Variants in NPNT observed in about 807,000 individuals in gnomAD.
The protein encoded by NPNT is nephronectin.
Under a neutral mutation model 68.6 loss-of-function variants are expected in NPNT, and 45 were observed. That is an observed-to-expected ratio of 0.66 (90% CI 0.52 to 0.84). The LOEUF is 0.84. Among genes scored for constraint, NPNT ranks in the 40% least tolerant of loss-of-function variants. The pLI is 0.00. For synonymous variants in NPNT, 233 were observed against 253.3 expected (o/e 0.92, Z 0.76); for missense variants, 672 against 714.8 (o/e 0.94, Z 0.68).
intron 7 of NPNT, among the ~76,000 whole-genome samples, chr4:105,941,151 C>A (rs116129130): frequency 0.098 from 14,870 of 151,898 alleles, 830 homozygotes; most frequent in Non-Finnish European, 0.13. Flanking sequence ...GCAGCCTGGG[C>A]AACATAATGA....
rs560287290 is a variant in NPNT, at chr4:105,933,260, A to G, written c.266-3749A>G. Reference sequence around the variant, plus strand: ...ACAGGGAGACAGTAATTCCTGCCCTATTTGCCTGTGGGGTTGGCGTGAGAA... The same window carrying G: ...ACAGGGAGACAGTAATTCCTGCCCTGTTTGCCTGTGGGGTTGGCGTGAGAA... On this transcript the variant is annotated intron_variant, in intron 3 of 11. Coordinates refer to ENST00000379987, the MANE Select transcript of NPNT (RefSeq NM_001033047.3). Among the ~76,000 whole-genome samples, 9 of 152,272 alleles carry G rather than the reference A, an allele frequency of 5.9e-5. No individual in the cohort carries two copies. In the East Asian group the frequency reaches 1.5e-3, roughly 26 times the overall value.
At position 105,949,699 on chromosome 4, in the gene NPNT, T is replaced by C. The variant is rs535405227; in HGVS notation, c.1159+6997T>C. Among the ~76,000 whole-genome samples, 258 of 152,292 alleles carry C rather than the reference T, an allele frequency of 1.7e-3. 1 individual carries two copies. The highest frequency in any genetic ancestry group is 6.0e-3 in the African/African-American group (249 of 41,554). ...TGCTTTCTGTTCTAGCAATATATAA[T>C]GAAATCTTATATAACTATTAAACAT... On this transcript the variant is annotated intron_variant, in intron 8 of 11. Coordinates refer to ENST00000379987, the MANE Select transcript of NPNT (RefSeq NM_001033047.3).
chr4:105,958,465 T>C lies in NPNT; in HGVS notation c.1160-6T>C. On this transcript the variant is annotated splice_region_variant and splice_polypyrimidine_tract_variant and intron_variant, in intron 8 of 11. Transcript: ENST00000379987. ...CACACAAAAACTCAAAACCTTTCTCTTGCAGTTCCACGGCAACCTTCAAAT... is the reference window on the plus strand; with the variant it reads ...CACACAAAAACTCAAAACCTTTCTCCTGCAGTTCCACGGCAACCTTCAAAT... The C allele has an allele frequency of 1.9e-6, 3 of 1,594,086 alleles. No homozygotes were observed. The highest frequency in any genetic ancestry group is 2.6e-6 in the Non-Finnish European group (3 of 1,162,726).
rs1030324655 is a variant in NPNT at position 105,971,384 on chromosome 4, A to G, written c.*2394A>G. 1 of 250,446 alleles carries G rather than the reference A, an allele frequency of 4.0e-6. No individual in the cohort carries two copies. Among genetic ancestry groups the G allele is most frequent in the African/African-American group, 2.2e-5 (1 of 45,598 alleles). The allele number at this position is 250,446 out of a possible 1,614,324, so 15.5% of individuals were successfully genotyped here. ...CAGGGCTGGAGGGGGAAAATAAATCATTAAGCCTTTGAGTAACGGCAGAAT... is the reference window on the plus strand; with the variant it reads ...CAGGGCTGGAGGGGGAAAATAAATCGTTAAGCCTTTGAGTAACGGCAGAAT... On this transcript the variant is annotated 3_prime_UTR_variant, in exon 12 of 12. Coordinates refer to ENST00000379987, the MANE Select transcript of NPNT (RefSeq NM_001033047.3).
chr4:105,923,035 C>A (rs1029852719), intron 2 of NPNT, among the ~76,000 whole-genome samples: 1 of 152,152 alleles, frequency 6.6e-6, no homozygotes, highest in East Asian at 1.9e-4. Context: ...CCAGCAGGCA[C>A]GTTGTTTACT....
At position 105,937,065 on chromosome 4, in the gene NPNT, T is replaced by TA; in HGVS notation, c.323dup (p.Tyr108Ter). ...RPCKHRCMNT[Y>*]GSYKCYCLNG... ...CTGTAAGCACAGGTGCATGAACACT[T>TA]ACGGCAGCTACAAGTGCTACTGTCT... Residue 108 changes from tyrosine (Y) to a stop codon, truncating the protein, a stop_gained and frameshift_variant, in exon 4 of 12, where the codon TAC becomes TAAC. Coordinates refer to ENST00000379987, the MANE Select transcript of NPNT (RefSeq NM_001033047.3). LOFTEE classifies it high-confidence loss of function. 16 of 1,613,698 alleles carry TA rather than the reference T, an allele frequency of 9.9e-6. No individual in the cohort carries two copies. Among genetic ancestry groups the TA allele is most frequent in the South Asian group, 3.3e-5 (3 of 91,062 alleles).
At chr4:105,958,767 T>C (rs979986890) in intron 9 of NPNT, 2 of 527,640 alleles carry the variant, frequency 3.8e-6, no homozygotes, top group African/African-American at 3.8e-5. Flanking sequence ...GTACTTAAAC[T>C]GTAAAAAGGA....
chr4:105,923,254 T>C, intron 2 of NPNT, among the ~76,000 whole-genome samples: 1 of 152,196 alleles, frequency 6.6e-6, no homozygotes. Flanking sequence ...GGGAATTATT[T>C]TTCTCTAGTT....
intron 7 of NPNT, among the ~76,000 whole-genome samples, chr4:105,940,859 C>A (rs1179817146): frequency 6.6e-6 from 1 of 152,134 alleles, no homozygotes; most frequent in Non-Finnish European, 1.5e-5. Context: ...ATTTTAATCT[C>A]TTCACTGAAA....
At chr4:105,916,222 T>G in intron 2 of NPNT, among the ~76,000 whole-genome samples, 1 of 123,866 alleles carries the variant, frequency 8.1e-6, no homozygotes, top group East Asian at 2.0e-4. Flanking sequence ...GAATTCGTAC[T>G]TTTTTTTTTT....
chr4:105,896,058 C>T (rs536152378), intron 1 of NPNT: 1 of 344,592 alleles, frequency 2.9e-6, no homozygotes, highest in South Asian at 4.3e-5. Context: ...GCCGAGGTGA[C>T]GCGCGAAACA....
intron 8 of NPNT, among the ~76,000 whole-genome samples, chr4:105,958,005 A>G (rs1302624344): frequency 6.6e-6 from 1 of 152,138 alleles, no homozygotes; most frequent in East Asian, 1.9e-4. Context: ...GAGTGCAACA[A>G]TGTGCGGAGT....
chr4:105,898,837 A>T (rs959255583), intron 2 of NPNT, among the ~76,000 whole-genome samples: 9 of 152,202 alleles, frequency 5.9e-5, no homozygotes, highest in African/African-American at 2.2e-4. Flanking sequence ...CTGCAAAAAA[A>T]TAGTCTTCAA....
At chr4:105,920,407 A>AAAAAAAAAAAAAC in intron 2 of NPNT, among the ~76,000 whole-genome samples, 3 of 151,286 alleles carry the variant, frequency 2.0e-5, no homozygotes, top group African/African-American at 7.3e-5. Flanking sequence ...AAAAAAAAAA[A>AAAAAAAAAAAAAC]AAAAAAAAAA....
Position 105,970,409 on chromosome 4 carries a change from T to C in NPNT, c.*1419T>C. On this transcript the variant is annotated 3_prime_UTR_variant, in exon 12 of 12. Transcript: ENST00000379987. The stretch of plus-strand genomic sequence containing the variant: ...GGAATCACAAAGATGATTAAAGGGT[T>C]GGAAAAAAAGATCTATGATGGAAAA... 1.4e-6 allele frequency: 1 copy of C among 701,316 alleles called. No individual in the cohort carries two copies. Among genetic ancestry groups the C allele is most frequent in the Non-Finnish European group, 2.6e-6 (1 of 384,032 alleles). 43.4% of individuals were successfully genotyped at this position (701,316 alleles called of 1,614,324 possible).
intron 10 of NPNT, among the ~76,000 whole-genome samples, chr4:105,966,965 C>T (rs1332660236): frequency 1.3e-5 from 2 of 152,060 alleles, no homozygotes; most frequent in East Asian, 3.9e-4. Context: ...GTGTCTCTGG[C>T]ATTACTTGTA....
intron 8 of NPNT, among the ~76,000 whole-genome samples, chr4:105,947,251 T>C (rs1373854767): frequency 2.6e-5 from 4 of 152,170 alleles, no homozygotes; most frequent in African/African-American, 4.8e-5. Flanking sequence ...GGTGTACTGA[T>C]TTCATATTGT....
intron 2 of NPNT, among the ~76,000 whole-genome samples, chr4:105,910,564 T>C (rs1217678478): frequency 6.6e-6 from 1 of 152,212 alleles, no homozygotes; most frequent in Admixed American, 6.5e-5. Flanking sequence ...ATTGTTGTGA[T>C]GGTTGCATAT....
intron 10 of NPNT, among the ~76,000 whole-genome samples, chr4:105,961,837 C>T (rs1165392582): frequency 4.6e-5 from 7 of 152,274 alleles, no homozygotes; most frequent in South Asian, 4.1e-4. Flanking sequence ...ATAAATAGGA[C>T]ATTGAACTTA....
Sources: gnomAD v4.1 joint callset for allele counts (sites outside exome capture counted in the v4.1 genomes callset) on GRCh38, gnomAD v4.1.1 for gene constraint, MANE v1.5 for transcripts, NCBI Gene and HGNC (gene_info 2026-07-23, HGNC 2026-07-21) for gene names.